MYO16: variants seen among roughly 807,000 people sequenced by gnomAD.
MYO16 encodes myosin XVI.
MYO16 carries 94 observed loss-of-function variants against 205.3 expected under a neutral mutation model. The ratio of observed to expected loss-of-function variants is 0.46; its 90% CI spans 0.39 to 0.54. The LOEUF (loss-of-function observed/expected upper bound fraction) is 0.54. MYO16 is among the 20% of genes least tolerant of loss of function. The pLI is 0.00. For synonymous variants in MYO16, 988 were observed against 954.0 expected, an observed-to-expected ratio of 1.04 and a Z score of -0.66; for missense variants, 2,315 against 2,387.5, an observed-to-expected ratio of 0.97 and a Z score of 0.63.
the MYO16 span, among the ~76,000 whole-genome samples, chr13:108,499,997 G>A: frequency 2.6e-5 from 4 of 151,328 alleles, no homozygotes; most frequent in East Asian, 2.0e-4. Context: ...GGCCCTCTGT[G>A]CCCTCGCTTT....
intron 33 of MYO16, among the ~76,000 whole-genome samples, chr13:109,176,407 AT>A (rs1879178399): frequency 6.6e-6 from 1 of 151,488 alleles, no homozygotes; most frequent in Non-Finnish European, 1.5e-5. Flanking sequence ...TAAAATACAC[AT>A]TTTATTTTTA....
the MYO16 span, among the ~76,000 whole-genome samples, chr13:108,528,563 T>TTTCCC: frequency 1.6e-5 from 1 of 63,516 alleles, no homozygotes; most frequent in Non-Finnish European, 3.0e-5. Context: ...TCTCCTCTCC[T>TTTCCC]CTCCTCTCCC....
intron 6 of MYO16, among the ~76,000 whole-genome samples, chr13:108,798,345 A>G (rs4409949): frequency 0.41 from 61,841 of 152,038 alleles, 12,774 homozygotes; most frequent in Middle Eastern, 0.5. Context: ...GAGGAAACTA[A>G]CAACAAAAGG....
intron 2 of MYO16, among the ~76,000 whole-genome samples, chr13:108,668,578 C>A (rs1370325265): frequency 6.6e-6 from 1 of 152,190 alleles, no homozygotes; most frequent in Non-Finnish European, 1.5e-5. Context: ...CCGGAGGCCA[C>A]CTGCCTTCCT....
chr13:109,124,697 A>G (rs1359788589), intron 29 of MYO16, among the ~76,000 whole-genome samples: 6 of 152,206 alleles, frequency 3.9e-5, no homozygotes, highest in Admixed American at 1.3e-4. Context: ...CAATATATGC[A>G]TGATATTTCC....
chr13:109,115,962 C>CA (rs57436369), intron 28 of MYO16, among the ~76,000 whole-genome samples: 108,732 of 148,164 alleles, frequency 0.73, 39,518 homozygotes, highest in Middle Eastern at 0.79. Flanking sequence ...TATAGCATCT[C>CA]AAAAAAACAA....
intron 27 of MYO16, among the ~76,000 whole-genome samples, chr13:109,056,414 G>T (rs1887420694): frequency 6.6e-6 from 1 of 152,112 alleles, no homozygotes; most frequent in South Asian, 2.1e-4. Flanking sequence ...ACTTTAGTCT[G>T]ATTTTAAGTA....
At chr13:108,751,597 G>T (rs1885239999) in intron 4 of MYO16, among the ~76,000 whole-genome samples, 1 of 152,228 alleles carries the variant, frequency 6.6e-6, no homozygotes, top group Middle Eastern at 3.4e-3. Flanking sequence ...AGAGTTTACA[G>T]TATGGAACGG....
At chr13:108,622,641 G>T (rs970750895) in intron 1 of MYO16, among the ~76,000 whole-genome samples, 2 of 149,444 alleles carry the variant, frequency 1.3e-5, no homozygotes, top group African/African-American at 4.9e-5. Flanking sequence ...AAGGAGGAGG[G>T]GGGAAGGCAG....
At chr13:108,681,189 A>C (rs947454794) in intron 2 of MYO16, among the ~76,000 whole-genome samples, 4 of 152,156 alleles carry the variant, frequency 2.6e-5, no homozygotes, top group African/African-American at 9.7e-5. Flanking sequence ...TGTGTGTGTC[A>C]ATAATATGGC....
At chr13:108,982,020 G>C (rs939661830) in intron 20 of MYO16, among the ~76,000 whole-genome samples, 7 of 152,128 alleles carry the variant, frequency 4.6e-5, no homozygotes, top group Non-Finnish European at 7.3e-5. Context: ...TTTAGTACTT[G>C]TACTAGATTG....
intron 7 of MYO16, among the ~76,000 whole-genome samples, chr13:108,810,423 G>A (rs1887253884): frequency 6.7e-6 from 1 of 149,150 alleles, no homozygotes. Flanking sequence ...AGAATATAAG[G>A]CATCAAAACC....
At chr13:109,098,932 ACTTATCAAG>A (rs1888865415) in intron 27 of MYO16, among the ~76,000 whole-genome samples, 1 of 152,220 alleles carries the variant, frequency 6.6e-6, no homozygotes, top group African/African-American at 2.4e-5. Flanking sequence ...TGAGTCACCC[ACTTATCAAG>A]CTTTTTCACC....
At chr13:108,661,993 T>C (rs1170537432) in intron 1 of MYO16, among the ~76,000 whole-genome samples, 3 of 152,210 alleles carry the variant, frequency 2.0e-5, no homozygotes. Flanking sequence ...GATGTAGTAC[T>C]CTCCCCATTT....
chr13:108,757,955 C>A (rs1458905155), intron 4 of MYO16, among the ~76,000 whole-genome samples: 1 of 152,132 alleles, frequency 6.6e-6, no homozygotes, highest in Non-Finnish European at 1.5e-5. Context: ...GGTTGCAATT[C>A]TAAGCTCCAA....
rs532158923 is a variant in MYO16, at chr13:108,649,160, C to T, written c.29-16726C>T. ...TAATGGGTGCAGCACACCAATATGGCGCATGGATACGTATGTAACTAACCT... is the reference window on the plus strand; with the variant it reads ...TAATGGGTGCAGCACACCAATATGGTGCATGGATACGTATGTAACTAACCT... On this transcript the variant is annotated intron_variant, in intron 1 of 34. Coordinates refer to ENST00000457511, the MANE Select transcript of MYO16 (RefSeq NM_001198950.3). Among the ~76,000 whole-genome samples, 345 of 152,034 alleles carry T rather than the reference C, an allele frequency of 2.3e-3. 1 individual carries two copies. Among genetic ancestry groups the T allele is most frequent in the Non-Finnish European group, 3.6e-3 (246 of 68,002 alleles).
At chr13:109,077,591 T>A (rs946502185) in intron 27 of MYO16, among the ~76,000 whole-genome samples, 4 of 152,204 alleles carry the variant, frequency 2.6e-5, no homozygotes, top group African/African-American at 9.7e-5. Flanking sequence ...GCATTTTAGG[T>A]CAACATATTT....
intron 34 of MYO16, among the ~76,000 whole-genome samples, chr13:109,205,978 C>T (rs1232438970): frequency 6.6e-6 from 1 of 152,164 alleles, no homozygotes; most frequent in African/African-American, 2.4e-5. Context: ...ACAGCTAGCC[C>T]GCCTTGAATG....
chr13:108,622,456 A>G (rs1566510103), intron 1 of MYO16, among the ~76,000 whole-genome samples: 1 of 152,060 alleles, frequency 6.6e-6, no homozygotes, highest in Non-Finnish European at 1.5e-5. Flanking sequence ...AGGAGGGACA[A>G]CCCACTAGAG....
Sources: allele counts gnomAD v4.1 joint callset (sites outside exome capture counted in the v4.1 genomes callset), GRCh38; gene constraint gnomAD v4.1.1; transcripts MANE v1.5; gene names NCBI Gene and HGNC (gene_info 2026-07-23, HGNC 2026-07-21).